The following GAB2 variants were observed in gnomAD, a reference collection of about 807,000 sequenced individuals.
The protein encoded by GAB2 is GRB2 associated binding protein 2, also known as GRB2-associated-binding protein 2.
GAB2 carries 26 observed loss-of-function variants against 65.5 expected under a neutral mutation model. The observed-to-expected ratio is 0.40, with a 90% CI of 0.29 to 0.55. GAB2 has a LOEUF of 0.55. Ranked by LOEUF, GAB2 falls within the 20% of genes least tolerant of loss-of-function variation. The pLI, the probability that GAB2 is intolerant of heterozygous loss-of-function variation, is 0.53. For missense variants in GAB2, 884 were observed against 875.8 expected, an observed-to-expected ratio of 1.01 and a Z score of -0.12; for synonymous variants, 321 against 329.6, an observed-to-expected ratio of 0.97 and a Z score of 0.28.
In GAB2 at chr11:78,223,580, G is replaced by C; in HGVS notation, c.1399C>G (p.Arg467Gly). Residue 467 changes from arginine to glycine, a missense_variant, in exon 6 of 10, where the codon CGA (arginine) becomes GGA (glycine). Transcript: ENST00000361507. ...ACGCTCTGGGAATTATCACCTGCTC[G>C]TTCCATGGCCAACAGGGTGGAAGAA... ...PGSSTLLAME[R>G]AGDNSQSVYI... 9.9e-6 allele frequency: 16 copies of C among 1,613,592 alleles called. No individual in the cohort carries two copies. Among genetic ancestry groups the C allele is most frequent in the Non-Finnish European group, 1.3e-5 (15 of 1,179,742 alleles).
chr11:78,281,858 A>T (rs984607074), intron 1 of GAB2, among the ~76,000 whole-genome samples: 2 of 152,204 alleles, frequency 1.3e-5, no homozygotes, highest in Admixed American at 1.3e-4. Context: ...GCAAAGCCAT[A>T]ATCAGTTTAT....
At chr11:78,333,624 A>G (rs566818574) in intron 1 of GAB2, among the ~76,000 whole-genome samples, 11 of 152,290 alleles carry the variant, frequency 7.2e-5, no homozygotes, top group African/African-American at 2.6e-4. Flanking sequence ...CTGAAAAACA[A>G]AATGTAGGTG....
At chr11:78,301,938 A>C (rs1279240202) in intron 1 of GAB2, among the ~76,000 whole-genome samples, 1 of 152,190 alleles carries the variant, frequency 6.6e-6, no homozygotes, top group Non-Finnish European at 1.5e-5. Flanking sequence ...ACAAAATGGG[A>C]AAAGGACACC....
In GAB2 at chr11:78,377,019, G is replaced by A. The variant is rs149621610; in HGVS notation, c.75+40627C>T. Among the ~76,000 whole-genome samples, 538 of 152,252 alleles carry A rather than the reference G, an allele frequency of 3.5e-3. 5 individuals are homozygous for A. Among genetic ancestry groups the A allele is most frequent in the African/African-American group, 0.012 (485 of 41,536 alleles). ...CTCTCTCAAGCTTGCCCCTGCTTTC[G>A]CTGTGTGATGTGCCTCTTCCCCTTT... On this transcript the variant is annotated intron_variant, in intron 1 of 9. Coordinates refer to ENST00000361507, the MANE Select transcript of GAB2 (RefSeq NM_080491.3).
chr11:78,227,146 A>C (rs1565115466), intron 3 of GAB2, 95 bp from the exon 4 acceptor site: 2 of 800,290 alleles, frequency 2.5e-6, no homozygotes, highest in East Asian at 2.6e-5. Context: ...ACTTTGGTTT[A>C]GGCATCTGTA....
intron 1 of GAB2, among the ~76,000 whole-genome samples, chr11:78,287,652 T>TC (rs1035847391): frequency 6.7e-6 from 1 of 150,220 alleles, no homozygotes; most frequent in African/African-American, 2.4e-5. Context: ...TCTTATCATT[T>TC]TTTTTTTTTT....
intron 1 of GAB2, among the ~76,000 whole-genome samples, chr11:78,302,523 CAA>C (rs1418705858): frequency 6.7e-6 from 1 of 150,306 alleles, no homozygotes; most frequent in African/African-American, 2.4e-5. Context: ...AAAAAAAAAA[CAA>C]AACAGATGTT....
At chr11:78,221,235 C>T (rs542036908) in intron 8 of GAB2, among the ~76,000 whole-genome samples, 1 of 152,356 alleles carries the variant, frequency 6.6e-6, no homozygotes, top group Non-Finnish European at 1.5e-5. Flanking sequence ...TGGGCAGTTA[C>T]GCCCTTAATG....
rs564797428 is a variant in GAB2 at position 78,247,155 on chromosome 11, T to C, written c.620+3002A>G. Among the ~76,000 whole-genome samples, 4 of 152,368 alleles carry C rather than the reference T, an allele frequency of 2.6e-5. No homozygotes were observed. The South Asian group carries it at 6.2e-4, about 24-fold the overall frequency. On this transcript the variant is annotated intron_variant, in intron 3 of 9. Coordinates refer to ENST00000361507, the MANE Select transcript of GAB2 (RefSeq NM_080491.3). The stretch of plus-strand genomic sequence containing the variant: ...GGGGCCCAACCTGGAGGCAAATGCA[T>C]GAAAGACAAAAAGTTCATCTCTGTG...
At chr11:78,326,173 C>G (rs1855819501) in intron 1 of GAB2, among the ~76,000 whole-genome samples, 1 of 152,186 alleles carries the variant, frequency 6.6e-6, no homozygotes, top group South Asian at 2.1e-4. Context: ...GGAGCTTATT[C>G]TATATCCATA....
At chr11:78,222,916 G>A (rs1293572591) in intron 6 of GAB2, among the ~76,000 whole-genome samples, 1 of 152,174 alleles carries the variant, frequency 6.6e-6, no homozygotes, top group Non-Finnish European at 1.5e-5. Flanking sequence ...AAGTATAGAT[G>A]GTCACCGTGA....
intron 1 of GAB2, among the ~76,000 whole-genome samples, chr11:78,416,552 C>A (rs1022309658): frequency 6.6e-6 from 1 of 152,176 alleles, no homozygotes; most frequent in Non-Finnish European, 1.5e-5. Context: ...CGGCTCCCTT[C>A]CAGGCTGTGG....
chr11:78,399,686 T>C (rs1201140819), intron 1 of GAB2, among the ~76,000 whole-genome samples: 1 of 152,238 alleles, frequency 6.6e-6, no homozygotes, highest in South Asian at 2.1e-4. Context: ...GAAAGGGATG[T>C]GAAGGCACCC....
At chr11:78,364,752 A>G (rs150928908) in intron 1 of GAB2, among the ~76,000 whole-genome samples, 89 of 152,286 alleles carry the variant, frequency 5.8e-4, no homozygotes, top group African/African-American at 2.1e-3. Flanking sequence ...TAAACCAGGG[A>G]TTTTATCAAA....
At chr11:78,323,381 G>A (rs1357429397) in intron 1 of GAB2, among the ~76,000 whole-genome samples, 4 of 151,938 alleles carry the variant, frequency 2.6e-5, no homozygotes, top group Non-Finnish European at 5.9e-5. Flanking sequence ...ATGGTGACGT[G>A]TGCCTGTAAT....
intron 2 of GAB2, among the ~76,000 whole-genome samples, chr11:78,269,394 A>G (rs1443441821): frequency 1.3e-5 from 2 of 152,218 alleles, no homozygotes; most frequent in African/African-American, 4.8e-5. Flanking sequence ...TCTCTGAGCA[A>G]GGCTTCTCCC....
intron 1 of GAB2, among the ~76,000 whole-genome samples, chr11:78,379,285 A>T (rs145561234): frequency 1.3e-4 from 20 of 152,320 alleles, no homozygotes; most frequent in African/African-American, 4.6e-4. Context: ...CTGAGTACCA[A>T]ATTGAAATGC....
intron 1 of GAB2, among the ~76,000 whole-genome samples, chr11:78,354,720 CT>C (rs910359348): frequency 6.6e-6 from 1 of 152,184 alleles, no homozygotes; most frequent in Admixed American, 6.5e-5. Flanking sequence ...CCCAGAAAAG[CT>C]TTTAAATCTG....
chr11:78,367,207 C>A (rs1856508554), intron 1 of GAB2, among the ~76,000 whole-genome samples: 1 of 152,206 alleles, frequency 6.6e-6, no homozygotes, highest in Non-Finnish European at 1.5e-5. Context: ...CTTCCTCCAT[C>A]TAGCAATATC....
Sources: allele counts gnomAD v4.1 joint callset (sites outside exome capture counted in the v4.1 genomes callset), GRCh38; gene constraint gnomAD v4.1.1; transcripts MANE v1.5; gene names NCBI Gene and HGNC (gene_info 2026-07-23, HGNC 2026-07-21).